Variants in SRGAP2 observed in about 807,000 individuals in gnomAD.
The protein encoded by SRGAP2 is SLIT-ROBO Rho GTPase activating protein 2, also known as SLIT-ROBO Rho GTPase-activating protein 2.
Under a neutral mutation model 57.2 loss-of-function variants are expected in SRGAP2, and 15 were observed. The ratio of observed to expected loss-of-function variants is 0.26; its 90% confidence interval spans 0.18 to 0.40. The LOEUF is 0.40. Among genes scored for constraint, SRGAP2 ranks in the 10% least tolerant of loss-of-function variants. The pLI, the probability that SRGAP2 is intolerant of heterozygous loss-of-function variation, is 1.00. For synonymous variants in SRGAP2, 249 were observed against 248.0 expected, an observed-to-expected ratio of 1.00 and a Z score of -0.04; for missense variants, 520 against 669.6, an observed-to-expected ratio of 0.78 and a Z score of 2.47.
chr1:206,353,757 A>G (rs1189275273), intron 4 of SRGAP2, among the ~76,000 whole-genome samples: 7 of 149,980 alleles, frequency 4.7e-5, no homozygotes, highest in African/African-American at 1.5e-4. Context: ...TGTTCACCTA[A>G]GATGCTATAA....
chr1:206,337,886 C>T (rs1553334082), intron 3 of SRGAP2, among the ~76,000 whole-genome samples: 1 of 150,418 alleles, frequency 6.6e-6, no homozygotes, highest in Non-Finnish European at 1.5e-5. Flanking sequence ...ATGGACTTGG[C>T]TCTTCACCAT....
chr1:206,373,241 A>G (rs1193767425), intron 4 of SRGAP2, among the ~76,000 whole-genome samples: 1 of 138,410 alleles, frequency 7.2e-6, no homozygotes, highest in Non-Finnish European at 1.5e-5. Context: ...GATTACAGGC[A>G]TGCGCCACCA....
At chr1:206,207,671 C>A (rs1428519673) in intron 2 of SRGAP2, 3 of 139,742 alleles carry the variant, frequency 2.1e-5, no homozygotes, top group African/African-American at 5.4e-5. Flanking sequence ...CTGTTGCCAT[C>A]GGGAGTGTTA....
rs532188855 is a variant in SRGAP2, at chr1:206,460,417, G to T, written c.2833-620G>T. ...GGCTCCCCTTCCTGGTCATTCTTTT[G>T]TCCCCTTGGTGGTGATGGCTGGAAG... On this transcript the variant is annotated intron_variant, in intron 22 of 22. Transcript: ENST00000573034. 1.1e-4 allele frequency among the ~76,000 whole-genome samples: 16 copies of T among 152,174 alleles called. No homozygotes were observed. In the Middle Eastern group the frequency reaches 0.01, roughly 98 times the overall value.
Position 206,454,521 on chromosome 1 carries a change from C to T in SRGAP2, c.2361-357C>T, listed in dbSNP as rs1396995859. The T allele has an allele frequency of 1.2e-5, 5 of 419,028 alleles. No individual in the cohort carries two copies. Among genetic ancestry groups the T allele is most frequent in the African/African-American group, 6.1e-5 (3 of 49,260 alleles). 26.0% of individuals were successfully genotyped at this position (419,028 alleles called of 1,614,324 possible). A position where few individuals can be genotyped will look rare whatever the true frequency, so the allele number is the denominator to read the frequency against. On this transcript the variant is annotated intron_variant, in intron 20 of 22. Transcript: ENST00000573034. This position sits in a 1 kb window ranked among gnomAD's most constrained non-coding sequence, Gnocchi z 4.3. Reference sequence around the variant, plus strand: ...GTGCTCAGGACCTCAGCCGATAAACCACAACCTGGACTTGCCGCCTCCTTC... The same window carrying T: ...GTGCTCAGGACCTCAGCCGATAAACTACAACCTGGACTTGCCGCCTCCTTC...
At chr1:206,237,596 C>G (rs1397053580) in intron 2 of SRGAP2, among the ~76,000 whole-genome samples, 1 of 152,138 alleles carries the variant, frequency 6.6e-6, no homozygotes, top group Admixed American at 6.6e-5. Flanking sequence ...CAAATTTCTT[C>G]CAAGCATTCA....
At chr1:206,422,123 TA>T (rs1338778282) in intron 13 of SRGAP2, among the ~76,000 whole-genome samples, 2 of 152,198 alleles carry the variant, frequency 1.3e-5, no homozygotes, top group African/African-American at 4.8e-5. Context: ...ATCCAGGCTT[TA>T]AAAAATCATT....
chr1:206,460,554 C>T (rs1476165906), intron 22 of SRGAP2, among the ~76,000 whole-genome samples: 1 of 152,148 alleles, frequency 6.6e-6, no homozygotes, highest in Non-Finnish European at 1.5e-5. Context: ...TAACCCTCTT[C>T]ACCTTTGGCC....
At chr1:206,438,346 C>G (rs1553370793) in intron 16 of SRGAP2, among the ~76,000 whole-genome samples, 1 of 151,562 alleles carries the variant, frequency 6.6e-6, no homozygotes, top group Non-Finnish European at 1.5e-5. Context: ...TCTGATTCAT[C>G]TCTGGGCTTT....
At chr1:206,268,543 A>G (rs1170314243) in intron 2 of SRGAP2, among the ~76,000 whole-genome samples, 12 of 152,154 alleles carry the variant, frequency 7.9e-5, no homozygotes, top group African/African-American at 2.9e-4. Context: ...AATAGAAATA[A>G]AGCCAATAAA....
intron 2 of SRGAP2, among the ~76,000 whole-genome samples, chr1:206,298,666 C>T (rs1422889971): frequency 6.6e-6 from 1 of 152,146 alleles, no homozygotes; most frequent in African/African-American, 2.4e-5. Flanking sequence ...CAGAGGTCAA[C>T]TCTGATTCTC....
chr1:206,287,027 T>A (rs1412611449), intron 2 of SRGAP2, among the ~76,000 whole-genome samples: 1 of 152,096 alleles, frequency 6.6e-6, no homozygotes, highest in Non-Finnish European at 1.5e-5. Flanking sequence ...CAGAACAAAA[T>A]GAGGCTGAGT....
Position 206,430,228 on chromosome 1 carries a change from C to G in SRGAP2, c.1555+6C>G, listed in dbSNP as rs1661174308. On this transcript the variant is annotated splice_donor_region_variant and intron_variant, in intron 14 of 22. Transcript: ENST00000573034. ...CCGGTTTATCAGCAGACACGGTAAGCAGGATGACAGCCTTGTCCATATTTG... is the reference window on the plus strand; with the variant it reads ...CCGGTTTATCAGCAGACACGGTAAGGAGGATGACAGCCTTGTCCATATTTG... The G allele has an allele frequency of 1.3e-6, 1 of 780,578 alleles. No homozygotes were observed. The highest frequency in any genetic ancestry group is 1.7e-5 in the Admixed American group (1 of 59,014). 48.4% of individuals were successfully genotyped at this position (780,578 alleles called of 1,614,324 possible).
chr1:206,335,382 C>T (rs1183993488), intron 3 of SRGAP2, among the ~76,000 whole-genome samples: 1 of 152,128 alleles, frequency 6.6e-6, no homozygotes, highest in East Asian at 1.9e-4. Flanking sequence ...ATAGAGGGAG[C>T]TGGTGGGCAG....
intron 4 of SRGAP2, among the ~76,000 whole-genome samples, chr1:206,366,486 A>G (rs1339016440): frequency 1.6e-4 from 24 of 151,972 alleles, no homozygotes; most frequent in Admixed American, 7.9e-4. Flanking sequence ...ACACAGCTCA[A>G]TTGTCCCCAG....
At chr1:206,402,602 T>G (rs571884871) in intron 8 of SRGAP2, among the ~76,000 whole-genome samples, 1 of 152,258 alleles carries the variant, frequency 6.6e-6, no homozygotes, top group African/African-American at 2.4e-5. Context: ...AAGATACTGT[T>G]TTGCTGTCTC....
intron 14 of SRGAP2, among the ~76,000 whole-genome samples, chr1:206,433,765 G>A (rs1026041292): frequency 3.4e-4 from 51 of 151,890 alleles, no homozygotes; most frequent in African/African-American, 1.2e-3. Context: ...AAGAGAATGA[G>A]GAAGAAAATA....
intron 1 of SRGAP2, 149 bp from the exon 2 acceptor site, chr1:206,205,280 G>A (rs1311027853): frequency 6.9e-6 from 1 of 144,208 alleles, no homozygotes. Context: ...TCCCCACCTC[G>A]TAGCGCCAGG....
chr1:206,260,685 A>C (rs1222593731), intron 2 of SRGAP2, among the ~76,000 whole-genome samples: 1 of 152,214 alleles, frequency 6.6e-6, no homozygotes, highest in East Asian at 1.9e-4. Context: ...TCAGAGCTGC[A>C]TAGTATTCCA....
Sources: allele counts gnomAD v4.1 joint callset (sites outside exome capture counted in the v4.1 genomes callset), GRCh38; gene constraint gnomAD v4.1.1; non-coding constraint Gnocchi (gnomAD v3.1); transcripts MANE v1.5; gene names NCBI Gene and HGNC (gene_info 2026-07-23, HGNC 2026-07-21).